Variants in PIK3AP1 observed in about 807,000 individuals in gnomAD.
PIK3AP1 encodes phosphoinositide 3-kinase adapter protein 1.
A neutral mutation model predicts 88.1 loss-of-function variants in PIK3AP1; 21 were observed. The ratio of observed to expected loss-of-function variants is 0.24; its 90% confidence interval spans 0.17 to 0.34. PIK3AP1 has a LOEUF of 0.34. Ranked by LOEUF, PIK3AP1 falls within the 10% of genes least tolerant of loss-of-function variation. The probability of loss-of-function intolerance (pLI) is 1.00; values close to 1 mark genes in which losing one functional copy is unlikely to be tolerated. For synonymous variants in PIK3AP1, 398 were observed against 400.0 expected, an observed-to-expected ratio of 1.00 and a Z score of 0.06; for missense variants, 828 against 1,035.7, an observed-to-expected ratio of 0.80 and a Z score of 2.75.
intron 12 of PIK3AP1, among the ~76,000 whole-genome samples, chr10:96,618,103 C>G (rs1406772806): frequency 6.6e-6 from 1 of 152,174 alleles, no homozygotes; most frequent in Non-Finnish European, 1.5e-5. Flanking sequence ...CTCAGGGAAC[C>G]AAACAATGTG....
chr10:96,669,254 A>G (rs748912253), intron 2 of PIK3AP1, among the ~76,000 whole-genome samples: 29 of 152,210 alleles, frequency 1.9e-4, no homozygotes, highest in Non-Finnish European at 3.2e-4. Context: ...TACGATGTTC[A>G]TTCATCCTAC....
Position 96,651,261 on chromosome 10 carries a change from T to A in PIK3AP1, c.975A>T (p.Glu325Asp). 5 of 1,614,204 alleles carry A rather than the reference T, an allele frequency of 3.1e-6. No homozygotes were observed. The highest frequency in any genetic ancestry group is 4.2e-6 in the Non-Finnish European group (5 of 1,180,004). ...HLFGINQLEE[E>D]DMMTNQRDEE... ...CTGTCAACTTACTTGTCATCATATCTTCTTCTTCCAGCTGGTTGATTCCAA... is the reference window on the plus strand; with the variant it reads ...CTGTCAACTTACTTGTCATCATATCATCTTCTTCCAGCTGGTTGATTCCAA... Residue 325 changes from glutamate (E) to aspartate (D), a missense_variant, in exon 6 of 17, where the codon GAA (glutamate) becomes GAT (aspartate). This residue lies in a region of PIK3AP1 where 610 missense variants were observed against 760.1 expected (regional missense o/e 0.80). Transcript: ENST00000339364.
chr10:96,644,490 G>T (rs375805601), intron 8 of PIK3AP1, among the ~76,000 whole-genome samples: 120 of 152,280 alleles, frequency 7.9e-4, no homozygotes, highest in Middle Eastern at 3.4e-3. Flanking sequence ...ACAAGTCACA[G>T]AACTTCTCTC....
At position 96,620,786 on chromosome 10, in the gene PIK3AP1, G is replaced by A. The variant is rs1245523543; in HGVS notation, c.1736-229C>T. On this transcript the variant is annotated intron_variant, in intron 11 of 16. Transcript: ENST00000339364. ...GACAAGGCTGCAACATTTAAGGGAG[G>A]CGTGAAATCTGCTGACTCTCCCAAG... 4 of 512,854 alleles carry A rather than the reference G, an allele frequency of 7.8e-6. No homozygotes were observed. The East Asian group carries it at 1.2e-4, about 16-fold the overall frequency. The allele number at this position is 512,854 out of a possible 1,614,324, so 31.8% of individuals were successfully genotyped here.
At position 96,609,693 on chromosome 10, in the gene PIK3AP1, C is replaced by T. The variant is rs1204005714; in HGVS notation, c.2170+19G>A. 9 of 1,609,734 alleles carry T rather than the reference C, an allele frequency of 5.6e-6. No homozygotes were observed. Among genetic ancestry groups the T allele is most frequent in the Admixed American group, 3.4e-5 (2 of 59,442 alleles). ...AGCCCAGTCAAGAAGACCCCACCCC[C>T]GCACCCCCAGCTGCTCACTTGCTGT... On this transcript the variant is annotated intron_variant, in intron 14 of 16. Coordinates refer to ENST00000339364, the MANE Select transcript of PIK3AP1 (RefSeq NM_152309.3).
intron 8 of PIK3AP1, 51 bp downstream of exon 8, chr10:96,645,422 A>C (rs774217737): frequency 6.3e-7 from 1 of 1,585,972 alleles, no homozygotes; most frequent in South Asian, 1.1e-5. Flanking sequence ...GGAATGAAAA[A>C]AGCTGTTTCT....
At chr10:96,715,313 G>A (rs553987131) in intron 1 of PIK3AP1, among the ~76,000 whole-genome samples, 39 of 152,288 alleles carry the variant, frequency 2.6e-4, no homozygotes, top group African/African-American at 9.4e-4. Flanking sequence ...TCACAGCCTT[G>A]AAGGGCCTAG....
intron 3 of PIK3AP1, among the ~76,000 whole-genome samples, chr10:96,654,281 G>A (rs1483126654): frequency 6.6e-6 from 1 of 152,162 alleles, no homozygotes; most frequent in Non-Finnish European, 1.5e-5. Context: ...GAGCCTCTCA[G>A]TCTGAACTGG....
chr10:96,681,322 AAGG>A (rs1843996571), intron 2 of PIK3AP1, among the ~76,000 whole-genome samples: 1 of 152,206 alleles, frequency 6.6e-6, no homozygotes, highest in Non-Finnish European at 1.5e-5. Flanking sequence ...TGAGGTACGA[AAGG>A]TTAGGACTTC....
chr10:96,659,135 T>A (rs776645961), intron 2 of PIK3AP1, among the ~76,000 whole-genome samples: 2 of 152,144 alleles, frequency 1.3e-5, no homozygotes, highest in Non-Finnish European at 2.9e-5. Flanking sequence ...CACACAGTCT[T>A]CTTCTTAAGG....
intron 8 of PIK3AP1, among the ~76,000 whole-genome samples, chr10:96,636,898 G>A (rs1843319658): frequency 6.6e-6 from 1 of 152,168 alleles, no homozygotes; most frequent in Non-Finnish European, 1.5e-5. Context: ...AACAGCAATA[G>A]TGAATTCTCA....
At chr10:96,644,600 A>G (rs561461918) in intron 8 of PIK3AP1, among the ~76,000 whole-genome samples, 1 of 152,294 alleles carries the variant, frequency 6.6e-6, no homozygotes, top group South Asian at 2.1e-4. Flanking sequence ...TTTGCATTGG[A>G]AAAAACAAGA....
In PIK3AP1 at chr10:96,616,723, T is replaced by C. The variant is rs1000077681; in HGVS notation, c.1942-12A>G. ...CGTTTAAGATTTTCCTGGAAAAAAA[T>C]TTGGTTTATTTTTTAAGTGTACAAC... On this transcript the variant is annotated splice_polypyrimidine_tract_variant and intron_variant, in intron 12 of 16. Coordinates refer to ENST00000339364, the MANE Select transcript of PIK3AP1 (RefSeq NM_152309.3). 6.2e-7 allele frequency: 1 copy of C among 1,613,592 alleles called. No homozygotes were observed. Among genetic ancestry groups the C allele is most frequent in the Non-Finnish European group, 8.5e-7 (1 of 1,179,622 alleles).
At chr10:96,665,261 G>T (rs1843745271) in intron 2 of PIK3AP1, among the ~76,000 whole-genome samples, 1 of 152,188 alleles carries the variant, frequency 6.6e-6, no homozygotes, top group Admixed American at 6.5e-5. Flanking sequence ...ATCTATAAAG[G>T]ATCCATGTAA....
intron 2 of PIK3AP1, among the ~76,000 whole-genome samples, chr10:96,669,184 A>G (rs1843807334): frequency 6.6e-6 from 1 of 152,108 alleles, no homozygotes; most frequent in Non-Finnish European, 1.5e-5. Flanking sequence ...ATATAGAGTT[A>G]CCCAAGGTCT....
chr10:96,612,980 ATATTTTTTTTTTTTTTTTTTT>A (rs1253709281), intron 13 of PIK3AP1, among the ~76,000 whole-genome samples: 225 of 36,926 alleles, frequency 6.1e-3, no homozygotes, highest in East Asian at 0.037. Flanking sequence ...ATATATATAT[ATATTTTTTTTTTTTTTTTTTT>A]TTTTTTTTTT....
intron 1 of PIK3AP1, among the ~76,000 whole-genome samples, chr10:96,712,074 A>G (rs1040677238): frequency 6.6e-6 from 1 of 152,086 alleles, no homozygotes. Flanking sequence ...ATTTTTAAAA[A>G]TAGCAAATAA....
Position 96,595,005 on chromosome 10 carries a change from AT to A in PIK3AP1, c.*571del, listed in dbSNP as rs1848731213. 1 of 152,970 alleles carries A rather than the reference AT, an allele frequency of 6.5e-6. No homozygotes were observed. The highest frequency in any genetic ancestry group is 2.1e-4 in the South Asian group (1 of 4,828). The allele number at this position is 152,970 out of a possible 1,614,324, so 9.5% of individuals were successfully genotyped here. A position where few individuals can be genotyped will look rare whatever the true frequency, so the allele number is the denominator to read the frequency against. ...GTTCCAGACTTCTGTGGAACCTCAGATTTGCCTTCTGTATAAGAGGAGTTTG... is the reference window on the plus strand; with the variant it reads ...GTTCCAGACTTCTGTGGAACCTCAGATTGCCTTCTGTATAAGAGGAGTTTG... On this transcript the variant is annotated 3_prime_UTR_variant, in exon 17 of 17. Coordinates refer to ENST00000339364, the MANE Select transcript of PIK3AP1 (RefSeq NM_152309.3).
intron 2 of PIK3AP1, among the ~76,000 whole-genome samples, chr10:96,693,899 A>G (rs899421902): frequency 6.6e-6 from 1 of 152,204 alleles, no homozygotes; most frequent in African/African-American, 2.4e-5. Flanking sequence ...AGCTACTCTA[A>G]AAGTTTAGAT....
Sources: gnomAD v4.1 joint callset for allele counts (sites outside exome capture counted in the v4.1 genomes callset) on GRCh38, gnomAD v4.1.1 for gene constraint, gnomAD v4.1.1 regional missense constraint, MANE v1.5 for transcripts, NCBI Gene and HGNC (gene_info 2026-07-23, HGNC 2026-07-21) for gene names.